NRG1: variants seen among roughly 807,000 people sequenced by gnomAD.
NRG1 encodes the protein pro-neuregulin-1, membrane-bound isoform.
A neutral mutation model predicts 63.8 loss-of-function variants in NRG1; 18 were observed. The observed-to-expected ratio is 0.28, with a 90% CI of 0.19 to 0.42. The LOEUF is 0.42. Among genes scored for constraint, NRG1 ranks in the 10% least tolerant of loss-of-function variants. The pLI, the probability that NRG1 is intolerant of heterozygous loss-of-function variation, is 1.00. For synonymous variants in NRG1, 302 were observed against 301.3 expected (o/e 1.00, Z -0.02); for missense variants, 762 against 814.7 (o/e 0.94, Z 0.79).
At chr8:32,106,483 C>A (rs1429648870) in intron 1 of NRG1, among the ~76,000 whole-genome samples, 1 of 152,166 alleles carries the variant, frequency 6.6e-6, no homozygotes, top group Non-Finnish European at 1.5e-5. Flanking sequence ...GATAGTCTGG[C>A]ATTTCTGGAC....
At chr8:31,840,020 C>A (rs1013094725) in intron 1 of NRG1, among the ~76,000 whole-genome samples, 1 of 152,102 alleles carries the variant, frequency 6.6e-6, no homozygotes, top group African/African-American at 2.4e-5. Flanking sequence ...TGTGAAGGAG[C>A]CTTCCTAAAC....
intron 6 of NRG1, among the ~76,000 whole-genome samples, chr8:32,733,255 AC>A (rs1713555223): frequency 6.6e-6 from 1 of 152,210 alleles, no homozygotes; most frequent in Non-Finnish European, 1.5e-5. Context: ...ACAACAAAAA[AC>A]AAACTAAATT....
rs546270497 is a variant in NRG1 at position 32,682,865 on chromosome 8, A to G, written c.503-45084A>G. ...TAAACTGATTTATAGACCACATGCT[A>G]TTTTTACAAATATTTAAGAAAATTC... On this transcript the variant is annotated intron_variant, in intron 5 of 11. Transcript: ENST00000356819. Among the ~76,000 whole-genome samples the G allele has an allele frequency of 2.4e-4, 36 of 152,286 alleles. 1 individual carries two copies. The highest frequency in any genetic ancestry group is 7.7e-4 in the African/African-American group (32 of 41,588).
At chr8:32,133,536 T>C (rs1835124158) in intron 1 of NRG1, among the ~76,000 whole-genome samples, 1 of 152,154 alleles carries the variant, frequency 6.6e-6, no homozygotes, top group African/African-American at 2.4e-5. Context: ...GATACCTTAG[T>C]ATTGTTTCTT....
intron 1 of NRG1, among the ~76,000 whole-genome samples, chr8:32,577,780 A>G (rs1839927583): frequency 6.6e-6 from 1 of 151,626 alleles, no homozygotes; most frequent in South Asian, 2.1e-4. Context: ...TTCTTTATCC[A>G]TCTCTCTCTT....
intron 5 of NRG1, chr8:32,722,157 G>A: frequency 2.3e-6 from 2 of 857,068 alleles, no homozygotes; most frequent in South Asian, 1.8e-5. Context: ...TTAATTTTCT[G>A]TAAGTAACTC....
chr8:32,500,227 C>T (rs910324839), intron 1 of NRG1, among the ~76,000 whole-genome samples: 7 of 152,134 alleles, frequency 4.6e-5, no homozygotes, highest in African/African-American at 1.7e-4. Context: ...TAAGGACTCT[C>T]AGAATAGACT....
At chr8:32,580,725 G>A (rs956007075) in intron 1 of NRG1, among the ~76,000 whole-genome samples, 1 of 152,016 alleles carries the variant, frequency 6.6e-6, no homozygotes, top group Non-Finnish European at 1.5e-5. Flanking sequence ...GCTCTGAAGT[G>A]GTAAAATTGT....
At chr8:32,190,234 T>C (rs1316231689) in intron 1 of NRG1, among the ~76,000 whole-genome samples, 1 of 151,736 alleles carries the variant, frequency 6.6e-6, no homozygotes, top group African/African-American at 2.4e-5. Context: ...TTTTAAAAAA[T>C]TGCTCTCCTC....
intron 1 of NRG1, among the ~76,000 whole-genome samples, chr8:32,184,911 T>C (rs1841817277): frequency 6.6e-6 from 1 of 152,200 alleles, no homozygotes; most frequent in African/African-American, 2.4e-5. Context: ...AAGTTGTTTT[T>C]AGTTAAGGAC....
At chr8:31,762,700 G>C (rs1390272709) in intron 1 of NRG1, among the ~76,000 whole-genome samples, 1 of 152,072 alleles carries the variant, frequency 6.6e-6, no homozygotes, top group African/African-American at 2.4e-5. Context: ...AGATAATATA[G>C]TAATTATTAA....
intron 1 of NRG1, among the ~76,000 whole-genome samples, chr8:32,463,213 G>C (rs12056398): frequency 0.31 from 47,253 of 151,864 alleles, 7,591 homozygotes; most frequent in South Asian, 0.35. Flanking sequence ...TGGATTCTTA[G>C]GTTGTTTTCA....
chr8:31,865,340 G>C (rs1012803621), intron 1 of NRG1, among the ~76,000 whole-genome samples: 6 of 152,250 alleles, frequency 3.9e-5, no homozygotes, highest in African/African-American at 1.4e-4. Flanking sequence ...CATTGAGAGT[G>C]AAGCAGGTGC....
At chr8:31,812,050 G>C (rs1822938527) in intron 1 of NRG1, among the ~76,000 whole-genome samples, 1 of 152,136 alleles carries the variant, frequency 6.6e-6, no homozygotes, top group South Asian at 2.1e-4. Flanking sequence ...CAGAGTATCA[G>C]ATAGACCCCA....
chr8:32,504,078 C>T (rs766655699), intron 1 of NRG1, among the ~76,000 whole-genome samples: 25 of 152,138 alleles, frequency 1.6e-4, no homozygotes, highest in East Asian at 5.8e-4. Flanking sequence ...GAAGGTCATC[C>T]GCCATTTTGC....
At chr8:32,586,067 A>G (rs1027449495) in intron 1 of NRG1, among the ~76,000 whole-genome samples, 1 of 152,026 alleles carries the variant, frequency 6.6e-6, no homozygotes, top group South Asian at 2.1e-4. Context: ...AAAAACGTTA[A>G]TGAGCATAAA....
At chr8:31,786,853 C>A (rs772943985) in intron 1 of NRG1, among the ~76,000 whole-genome samples, 75 of 152,076 alleles carry the variant, frequency 4.9e-4, no homozygotes, top group Admixed American at 3.2e-3. Flanking sequence ...CTCTCTGAAC[C>A]CAATCCTTTT....
At chr8:31,858,428 T>A (rs2683764) in intron 1 of NRG1, among the ~76,000 whole-genome samples, 106,471 of 152,072 alleles carry the variant, frequency 0.7, 37,843 homozygotes, top group East Asian at 0.92. Context: ...GAGAGAAAAT[T>A]AAAAAATCAT....
Position 32,622,571 on chromosome 8 carries a change from G to T in NRG1, c.502+5686G>T, listed in dbSNP as rs180843852. On this transcript the variant is annotated intron_variant, in intron 5 of 11. Coordinates refer to ENST00000356819, the Ensembl canonical transcript of NRG1. Reference sequence around the variant, plus strand: ...GCGTGTGCCACCACACCTGAGTAATGTTTTTTAGAGACAGGGTTTCGCCAT... The same window carrying T: ...GCGTGTGCCACCACACCTGAGTAATTTTTTTTAGAGACAGGGTTTCGCCAT... 8.5e-3 allele frequency among the ~76,000 whole-genome samples: 1,286 copies of T among 151,974 alleles called. 3 individuals are homozygous for T. The highest frequency in any genetic ancestry group is 0.027 in the Middle Eastern group (8 of 294).
Sources: gnomAD v4.1 joint callset for allele counts (sites outside exome capture counted in the v4.1 genomes callset) on GRCh38, gnomAD v4.1.1 for gene constraint, MANE v1.5 for transcripts, NCBI Gene and HGNC (gene_info 2026-07-23, HGNC 2026-07-21) for gene names.